RAB6B: variants seen among roughly 807,000 people sequenced by gnomAD.
RAB6B encodes the protein RAB6B, member RAS oncogene family.
In RAB6B, 7 loss-of-function variants were observed where a neutral mutation model predicts 31.2. That is an observed-to-expected ratio of 0.22 (90% CI 0.13 to 0.42). RAB6B has a LOEUF of 0.42. RAB6B is among the 10% of genes least tolerant of loss of function. RAB6B has a pLI of 1.00. For missense variants in RAB6B, 149 were observed against 280.6 expected (o/e 0.53, Z 3.35); for synonymous variants, 105 against 104.9 (o/e 1.00, Z -0.01).
intron 2 of RAB6B, among the ~76,000 whole-genome samples, chr3:133,863,002 T>TG (rs1191393883): frequency 6.6e-6 from 1 of 152,232 alleles, no homozygotes; most frequent in African/African-American, 2.4e-5. Flanking sequence ...CTAAGTCTGT[T>TG]GCAGCTGTCA....
chr3:133,866,112 T>C (rs1330339458), intron 1 of RAB6B, among the ~76,000 whole-genome samples: 2 of 151,976 alleles, frequency 1.3e-5, no homozygotes, highest in East Asian at 3.9e-4. Flanking sequence ...TTAAATCAGG[T>C]AAAAAGTACA....
chr3:133,861,851 G>A (rs1936165622), intron 2 of RAB6B, among the ~76,000 whole-genome samples: 1 of 152,184 alleles, frequency 6.6e-6, no homozygotes, highest in Admixed American at 6.5e-5. Flanking sequence ...TTGTACTGCT[G>A]GAAGGATGTC....
intron 1 of RAB6B, among the ~76,000 whole-genome samples, chr3:133,872,461 C>T (rs1216304581): frequency 6.6e-6 from 1 of 152,258 alleles, no homozygotes. Flanking sequence ...GGTACGGCCC[C>T]CAGGCCCTGT....
At chr3:133,868,228 G>A (rs1936264680) in intron 1 of RAB6B, among the ~76,000 whole-genome samples, 1 of 152,210 alleles carries the variant, frequency 6.6e-6, no homozygotes, top group Admixed American at 6.5e-5. Flanking sequence ...CGGGGTGGAA[G>A]GTGCTAGAAC....
chr3:133,889,126 G>A (rs758379269), intron 1 of RAB6B, among the ~76,000 whole-genome samples: 8 of 152,000 alleles, frequency 5.3e-5, no homozygotes, highest in Non-Finnish European at 1.2e-4. Flanking sequence ...CAGTGGTTCT[G>A]TCCAATAATT....
chr3:133,878,652 T>C (rs944718448), intron 1 of RAB6B, among the ~76,000 whole-genome samples: 5 of 152,196 alleles, frequency 3.3e-5, no homozygotes, highest in African/African-American at 1.2e-4. Flanking sequence ...TTTCTATTAT[T>C]TGAGTCTCTT....
intron 2 of RAB6B, among the ~76,000 whole-genome samples, chr3:133,842,115 G>C (rs775879107): frequency 7.2e-4 from 109 of 152,244 alleles, no homozygotes; most frequent in Non-Finnish European, 1.4e-3. Context: ...GGGAGGCAGG[G>C]GGCAGGAGCA....
chr3:133,885,663 G>C, intron 1 of RAB6B: 1 of 702,450 alleles, frequency 1.4e-6, no homozygotes, highest in Non-Finnish European at 2.6e-6. Context: ...GGAACCCAGG[G>C]CACTGTGGAG....
At position 133,895,684 on chromosome 3, in the gene RAB6B, G is replaced by A. The variant is rs1576414255; in HGVS notation, c.-218C>T. On this transcript the variant is annotated 5_prime_UTR_variant, in exon 1 of 8. Coordinates refer to ENST00000285208, the MANE Select transcript of RAB6B (RefSeq NM_016577.4). The stretch of plus-strand genomic sequence containing the variant: ...GGAGGAGAGAGAGGCGGAGGCGGAG[G>A]AAGGCTGGGGCTGGGCTGCTGCGGT... 1.7e-6 allele frequency: 1 copy of A among 582,414 alleles called. No homozygotes were observed. Among genetic ancestry groups the A allele is most frequent in the South Asian group, 2.1e-5 (1 of 46,984 alleles). 36.1% of individuals were successfully genotyped at this position (582,414 alleles called of 1,614,324 possible). A position where few individuals can be genotyped will look rare whatever the true frequency, so the allele number is the denominator to read the frequency against.
chr3:133,844,976 A>G lies in RAB6B; in HGVS notation c.130-3313T>C, dbSNP rs549569761. On this transcript the variant is annotated intron_variant, in intron 2 of 7. Coordinates refer to ENST00000285208, the MANE Select transcript of RAB6B (RefSeq NM_016577.4). The stretch of plus-strand genomic sequence containing the variant: ...AAAAAAAAAGTAGGTAGGAGTTACA[A>G]CCGCTCAAGGAATGGAAGAAAACTA... Among the ~76,000 whole-genome samples, 7 of 152,152 alleles carry G rather than the reference A, an allele frequency of 4.6e-5. No homozygotes were observed. The South Asian group carries it at 1.2e-3, about 27-fold the overall frequency.
At chr3:133,834,519 A>T in intron 7 of RAB6B, 56 bp downstream of exon 7, 2 of 1,546,050 alleles carry the variant, frequency 1.3e-6, no homozygotes, top group East Asian at 2.2e-5. Context: ...TAACATATTC[A>T]GTGAATAAAT....
intron 2 of RAB6B, among the ~76,000 whole-genome samples, chr3:133,846,477 A>G (rs545454784): frequency 6.6e-5 from 10 of 152,200 alleles, no homozygotes; most frequent in African/African-American, 2.2e-4. Context: ...AAATGCAATT[A>G]GAGTCTCAGG....
intron 1 of RAB6B, among the ~76,000 whole-genome samples, chr3:133,872,787 T>C (rs1936343993): frequency 6.6e-6 from 1 of 152,204 alleles, no homozygotes; most frequent in Non-Finnish European, 1.5e-5. Flanking sequence ...AATTAAGAAA[T>C]ATGCAAAGCT....
chr3:133,872,118 A>G (rs1178506042), intron 1 of RAB6B, among the ~76,000 whole-genome samples: 1 of 152,242 alleles, frequency 6.6e-6, no homozygotes, highest in African/African-American at 2.4e-5. Context: ...CACAGCCCCC[A>G]GCAGCCAGGC....
chr3:133,885,658 C>A, intron 1 of RAB6B: 1 of 702,576 alleles, frequency 1.4e-6, no homozygotes, highest in South Asian at 1.5e-5. Context: ...GTCAGGGAAC[C>A]CAGGGCACTG....
chr3:133,885,467 C>T (rs948231098), intron 1 of RAB6B: 6 of 701,094 alleles, frequency 8.6e-6, no homozygotes, highest in East Asian at 2.7e-5. Context: ...AGAGGACTTA[C>T]ACACCCAATG....
At chr3:133,865,842 G>A (rs550385898) in intron 1 of RAB6B, among the ~76,000 whole-genome samples, 2 of 152,312 alleles carry the variant, frequency 1.3e-5, no homozygotes, top group African/African-American at 2.4e-5. Context: ...CCACATAACA[G>A]ACAAGTGCAC....
At chr3:133,829,660 T>A (rs1935627292) in intron 7 of RAB6B, among the ~76,000 whole-genome samples, 1 of 152,208 alleles carries the variant, frequency 6.6e-6, no homozygotes, top group South Asian at 2.1e-4. Flanking sequence ...TAAGAAACAC[T>A]GTTTTGGAAC....
chr3:133,895,479 CG>C lies in RAB6B; in HGVS notation c.-14del. ...CCCCTGCGGACATGGTGCTGGCAGC[CG>C]GGGCCGGGAGAGGAGGAGGAGGAAA... On this transcript the variant is annotated 5_prime_UTR_variant, in exon 1 of 8. Transcript: ENST00000285208. The C allele has an allele frequency of 1.2e-6, 2 of 1,610,780 alleles. No homozygotes were observed. The highest frequency in any genetic ancestry group is 1.7e-6 in the Non-Finnish European group (2 of 1,178,472).
Sources: gnomAD v4.1 joint callset for allele counts (sites outside exome capture counted in the v4.1 genomes callset) on GRCh38, gnomAD v4.1.1 for gene constraint, MANE v1.5 for transcripts, NCBI Gene and HGNC (gene_info 2026-07-23, HGNC 2026-07-21) for gene names.